PRKCG: variants seen among roughly 807,000 people sequenced by gnomAD.
The protein encoded by PRKCG is protein kinase C gamma, also known as protein kinase C gamma type.
PRKCG carries 28 observed loss-of-function variants against 82.0 expected under a neutral mutation model. The ratio of observed to expected loss-of-function variants is 0.34; its 90% CI spans 0.25 to 0.47. The LOEUF (loss-of-function observed/expected upper bound fraction) is 0.47, where lower values mean the gene tolerates loss of function less well. Ranked by LOEUF, PRKCG falls within the 20% of genes least tolerant of loss-of-function variation. PRKCG has a pLI of 1.00. For synonymous variants in PRKCG, 383 were observed against 376.6 expected, an observed-to-expected ratio of 1.02 and a Z score of -0.20; for missense variants, 640 against 952.7, an observed-to-expected ratio of 0.67 and a Z score of 4.32.
chr19:53,899,142 G>T (rs1275416833), intron 11 of PRKCG, among the ~76,000 whole-genome samples: 1 of 151,988 alleles, frequency 6.6e-6, no homozygotes, highest in East Asian at 1.9e-4. Flanking sequence ...AGCTCCTCGG[G>T]GGCGTGGCCA....
At chr19:53,894,612 A>G (rs1353894952) in intron 9 of PRKCG, among the ~76,000 whole-genome samples, 1 of 151,456 alleles carries the variant, frequency 6.6e-6, no homozygotes, top group Non-Finnish European at 1.5e-5. Flanking sequence ...GGAGCGCACC[A>G]CCACACCTGG....
Position 53,892,306 on chromosome 19 carries a change from G to A in PRKCG, c.687-203G>A, listed in dbSNP as rs535111215. On this transcript the variant is annotated intron_variant, in intron 6 of 17. Transcript: ENST00000263431. The surrounding 1 kb of genome is among the most constrained non-coding windows in gnomAD (Gnocchi z 5.9). ...GCGGAGAATGCAGGAGGAAGGGAGA[G>A]GAAGAGCTCTCTAGGTTTACTTCAG... 3.9e-4 allele frequency among the ~76,000 whole-genome samples: 59 copies of A among 152,286 alleles called. No homozygotes were observed. Among genetic ancestry groups the A allele is most frequent in the South Asian group, 1.9e-3 (9 of 4,822 alleles).
intron 3 of PRKCG, among the ~76,000 whole-genome samples, chr19:53,888,027 C>G (rs1050870545): frequency 1.3e-5 from 2 of 152,076 alleles, no homozygotes; most frequent in South Asian, 4.1e-4. Flanking sequence ...ACCACAGCCT[C>G]CGTGCTGTCT....
chr19:53,906,370 T>TA lies in PRKCG; in HGVS notation c.1819dup (p.Thr607AsnfsTer12), dbSNP rs1450442600. ...TGGGCTCAGGGCCTGATGGGGAACCTACCATCCGTGCACATGGCTTTTTCC... is the reference window on the plus strand; with the variant it reads ...TGGGCTCAGGGCCTGATGGGGAACCTAACCATCCGTGCACATGGCTTTTTCC... On this transcript the variant is annotated frameshift_variant, in exon 17 of 18. Transcript: ENST00000263431. LOFTEE classifies it high-confidence loss of function. The TA allele has an allele frequency of 6.4e-7, 1 of 1,555,878 alleles. No homozygotes were observed.
At chr19:53,895,487 C>CAAAAAAAA (rs760577483) in intron 9 of PRKCG, among the ~76,000 whole-genome samples, 4 of 62,802 alleles carry the variant, frequency 6.4e-5, no homozygotes, top group African/African-American at 9.1e-5. Context: ...GACTCTGTCT[C>CAAAAAAAA]AAAAAAAAAA....
chr19:53,893,255 T>C, intron 8 of PRKCG, 107 bp from the exon 9 acceptor site: 1 of 1,370,156 alleles, frequency 7.3e-7, no homozygotes. Context: ...GGAATTATAG[T>C]TCCTATCTAT....
rs1040567417 is a variant in PRKCG, at chr19:53,884,917, C to T, written c.285+674C>T. 1.3e-5 allele frequency among the ~76,000 whole-genome samples: 2 copies of T among 152,226 alleles called. No homozygotes were observed. The highest frequency in any genetic ancestry group is 6.5e-5 in the Admixed American group (1 of 15,278). The stretch of plus-strand genomic sequence containing the variant: ...CCCCTGTCATCACAGATGTGCAGCA[C>T]GCAGAGACACACAGCCTCTCCCCAC... On this transcript the variant is annotated intron_variant, in intron 3 of 17. Coordinates refer to ENST00000263431, the MANE Select transcript of PRKCG (RefSeq NM_002739.5). This position sits in a 1 kb window ranked among gnomAD's most constrained non-coding sequence, Gnocchi z 4.6.
intron 16 of PRKCG, 50 bp downstream of exon 16, chr19:53,904,792 C>T: frequency 7.0e-7 from 1 of 1,435,650 alleles, no homozygotes; most frequent in Non-Finnish European, 9.8e-7. Flanking sequence ...CCACACACCC[C>T]ATTGCTGTCT....
At position 53,882,764 on chromosome 19, in the gene PRKCG, C is replaced by A; in HGVS notation, c.170+100C>A. 6.8e-7 allele frequency: 1 copy of A among 1,473,814 alleles called. No homozygotes were observed. The highest frequency in any genetic ancestry group is 9.1e-7 in the Non-Finnish European group (1 of 1,097,834). 91.3% of individuals were successfully genotyped at this position (1,473,814 alleles called of 1,614,324 possible). A position where few individuals can be genotyped will look rare whatever the true frequency, so the allele number is the denominator to read the frequency against. The stretch of plus-strand genomic sequence containing the variant: ...GAAGGAAGAAGGAGGGGGCTGTAGT[C>A]CCGACTCCCAGGTTCTAGGATGGCC... On this transcript the variant is annotated intron_variant, in intron 1 of 17. Transcript: ENST00000263431. The surrounding 1 kb of genome is among the most constrained non-coding windows in gnomAD (Gnocchi z 6.1).
chr19:53,894,802 G>A (rs1452812073), intron 9 of PRKCG, among the ~76,000 whole-genome samples: 1 of 152,174 alleles, frequency 6.6e-6, no homozygotes, highest in Non-Finnish European at 1.5e-5. Flanking sequence ...GCCCTGTTCT[G>A]GGAATAGAAT....
At chr19:53,902,890 C>CAAAAAAAAAAAAAAAAAAAAAAAA (rs56955659) in intron 14 of PRKCG, among the ~76,000 whole-genome samples, 183 bp from the exon 15 acceptor site, 4 of 19,966 alleles carry the variant, frequency 2.0e-4, no homozygotes, top group African/African-American at 5.5e-4. Flanking sequence ...GAGACCCTGT[C>CAAAAAAAAAAAAAAAAAAAAAAAA]AAAAAAAAAA....
intron 9 of PRKCG, 25 bp downstream of exon 9, chr19:53,893,416 G>T (rs2122998991): frequency 6.2e-7 from 1 of 1,608,896 alleles, no homozygotes; most frequent in Middle Eastern, 1.7e-4. Flanking sequence ...GGCGTTGAAT[G>T]GAGGCAGTTT....
chr19:53,881,503 C>G (rs927358467), upstream of PRKCG, among the ~76,000 whole-genome samples: 2 of 150,992 alleles, frequency 1.3e-5, no homozygotes, highest in Non-Finnish European at 3.0e-5. Context: ...ATTTATCAGA[C>G]GTAGAGGGAG....
chr19:53,893,824 C>G (rs7249028), intron 9 of PRKCG, among the ~76,000 whole-genome samples: 59,318 of 151,262 alleles, frequency 0.39, 11,724 homozygotes, highest in South Asian at 0.5. Context: ...CACAATCTCG[C>G]CTCACTGCAA....
chr19:53,892,546 G>T lies in PRKCG; in HGVS notation c.724G>T (p.Val242Leu). 2 of 1,613,334 alleles carry T rather than the reference G, an allele frequency of 1.2e-6. No individual in the cohort carries two copies. The highest frequency in any genetic ancestry group is 1.7e-6 in the Non-Finnish European group (2 of 1,179,930). ...AGGGGATGTGGAGCGCCGGCTCAGC[G>T]TGGAGGTGTGGGACTGGGACCGGAC... ...KPGDVERRLS[V>L]EVWDWDRTSR... Residue 242 changes from valine (V) to leucine (L), a missense_variant, in exon 7 of 18, where the codon GTG (valine) becomes TTG (leucine). By Grantham distance (32) the Val-to-Leu change is conservative (BLOSUM62 1). Around this residue, in one of 7 missense-constraint regions of PRKCG, gnomAD observed 261 missense variants for 312.1 expected, o/e 0.84. Transcript: ENST00000263431. This position sits in a 1 kb window ranked among gnomAD's most constrained non-coding sequence, Gnocchi z 5.9.
chr19:53,900,182 C>T lies in PRKCG; in HGVS notation c.1282-51C>T. Reference sequence around the variant, plus strand: ...CCTGAGTGATCAGGAAAGAAATTCTCCTACTCTGGGTAGATGGATCCCGCC... The same window carrying T: ...CCTGAGTGATCAGGAAAGAAATTCTTCTACTCTGGGTAGATGGATCCCGCC... On this transcript the variant is annotated intron_variant, in intron 11 of 17. Coordinates refer to ENST00000263431, the MANE Select transcript of PRKCG (RefSeq NM_002739.5). This position sits in a 1 kb window ranked among gnomAD's most constrained non-coding sequence, Gnocchi z 4.2. 1 of 1,534,472 alleles carries T rather than the reference C, an allele frequency of 6.5e-7. No homozygotes were observed.
chr19:53,889,875 T>C lies in PRKCG; in HGVS notation c.398-11T>C. 1.3e-6 allele frequency: 2 copies of C among 1,579,694 alleles called. No individual in the cohort carries two copies. Among genetic ancestry groups the C allele is most frequent in the Non-Finnish European group, 1.7e-6 (2 of 1,163,504 alleles). Reference sequence around the variant, plus strand: ...GGGGCCTGAGGTGCTACCCGCAGCTTTCCCCTCCAGGCTGCGAGATGAACG... The same window carrying C: ...GGGGCCTGAGGTGCTACCCGCAGCTCTCCCCTCCAGGCTGCGAGATGAACG... On this transcript the variant is annotated splice_polypyrimidine_tract_variant and intron_variant, in intron 4 of 17. Transcript: ENST00000263431. This position sits in a 1 kb window ranked among gnomAD's most constrained non-coding sequence, Gnocchi z 4.4.
At chr19:53,893,508 T>TA in intron 9 of PRKCG, 117 bp downstream of exon 9, 1 of 1,147,110 alleles carries the variant, frequency 8.7e-7, no homozygotes, top group Admixed American at 1.8e-5. Context: ...ACATTTGTGC[T>TA]AGGCCTGTCT....
At position 53,882,530 on chromosome 19, in the gene PRKCG, G is replaced by C. The variant is rs1457859334; in HGVS notation, c.36G>C (p.Glu12Asp). The C allele has an allele frequency of 6.2e-7, 1 of 1,614,034 alleles. No individual in the cohort carries two copies. Among genetic ancestry groups the C allele is most frequent in the Non-Finnish European group, 8.5e-7 (1 of 1,180,014 alleles). Residue 12 changes from glutamate (E) to aspartate (D), a missense_variant, in exon 1 of 18, where the codon GAG becomes GAC. Transcript: ENST00000263431. This position sits in a 1 kb window ranked among gnomAD's most constrained non-coding sequence, Gnocchi z 6.1. The stretch of plus-strand genomic sequence containing the variant: ...TGGGCCCCGGCGTAGGCGATTCAGA[G>C]GGGGGACCCCGGCCCCTGTTTTGCA... ...AGLGPGVGDS[E>D]GGPRPLFCRK...
Sources: gnomAD v4.1 joint callset for allele counts (sites outside exome capture counted in the v4.1 genomes callset) on GRCh38, gnomAD v4.1.1 for gene constraint, gnomAD v4.1.1 regional missense constraint, Gnocchi (gnomAD v3.1) non-coding constraint, MANE v1.5 for transcripts, NCBI Gene and HGNC (gene_info 2026-07-23, HGNC 2026-07-21) for gene names.